Variants in KL observed in about 807,000 individuals in gnomAD.
KL encodes klotho, also known as alpha-klotho.
KL carries 62 observed loss-of-function variants against 84.2 expected under a neutral mutation model. The ratio of observed to expected loss-of-function variants is 0.74; its 90% CI spans 0.60 to 0.91. KL has a LOEUF of 0.91. Ranked by LOEUF, KL falls within the 40% of genes least tolerant of loss-of-function variation. The pLI is 0.00. For synonymous variants in KL, 528 were observed against 528.0 expected (o/e 1.00, Z 0.00); for missense variants, 1,261 against 1,305.7 (o/e 0.97, Z 0.53).
rs139375994 is a variant in KL at position 33,061,168 on chromosome 13, T to A, written c.2089T>A (p.Tyr697Asn). The change falls in exon 4 of 5, where the codon TAC becomes AAC. Residue 697 changes from tyrosine to asparagine, a missense_variant. By Grantham distance (143) the Tyr-to-Asn change is moderately radical. Transcript: ENST00000380099. ...TGAGCCGTATACAAGGAATATGACATACAGTGCTGGCCACAACCTTCTGAA... is the reference window on the plus strand; with the variant it reads ...TGAGCCGTATACAAGGAATATGACAAACAGTGCTGGCCACAACCTTCTGAA... ...MNEPYTRNMT[Y>N]SAGHNLLKAH... 6.2e-7 allele frequency: 1 copy of A among 1,614,226 alleles called. No individual in the cohort carries two copies. Among genetic ancestry groups the A allele is most frequent in the Non-Finnish European group, 8.5e-7 (1 of 1,180,038 alleles).
At chr13:33,024,574 C>T (rs1360366968) in intron 1 of KL, among the ~76,000 whole-genome samples, 3 of 152,162 alleles carry the variant, frequency 2.0e-5, no homozygotes, top group Non-Finnish European at 4.4e-5. Context: ...GGGCTCTTTT[C>T]GTGAGGGTCC....
At chr13:33,048,826 G>A (rs1258815996) in intron 1 of KL, among the ~76,000 whole-genome samples, 4 of 152,166 alleles carry the variant, frequency 2.6e-5, no homozygotes, top group African/African-American at 9.7e-5. Context: ...TGGGGGATAC[G>A]TATAGGCAAA....
intron 3 of KL, among the ~76,000 whole-genome samples, chr13:33,059,348 T>C (rs1872085982): frequency 6.6e-6 from 1 of 152,242 alleles, no homozygotes; most frequent in Admixed American, 6.5e-5. Context: ...AGAACTATAA[T>C]CATCATCATT....
intron 1 of KL, among the ~76,000 whole-genome samples, chr13:33,050,770 C>A (rs1160877268): frequency 6.6e-6 from 1 of 152,190 alleles, no homozygotes; most frequent in Non-Finnish European, 1.5e-5. Context: ...CAAATGATAT[C>A]TGAAATGCTT....
chr13:33,021,711 C>T (rs866911631), intron 1 of KL, among the ~76,000 whole-genome samples: 1 of 151,978 alleles, frequency 6.6e-6, no homozygotes, highest in Admixed American at 6.6e-5. Flanking sequence ...GGTGAAACCC[C>T]GTCTCTACTA....
chr13:33,030,697 T>C (rs1436530643), intron 1 of KL, among the ~76,000 whole-genome samples: 1 of 152,046 alleles, frequency 6.6e-6, no homozygotes, highest in East Asian at 1.9e-4. Flanking sequence ...GTGAAAGACA[T>C]TTGAGGAAAG....
intron 1 of KL, among the ~76,000 whole-genome samples, chr13:33,027,842 A>G (rs1451905387): frequency 6.6e-6 from 1 of 152,216 alleles, no homozygotes; most frequent in Non-Finnish European, 1.5e-5. Flanking sequence ...TGTTAGTTTG[A>G]GTCCTGAAAG....
Position 33,063,851 on chromosome 13 carries a change from C to G in KL, c.2704C>G (p.His902Asp). Residue 902 changes from histidine to aspartate, a missense_variant and splice_region_variant, in exon 5 of 5, where the codon CAC becomes GAC. Physicochemically the swap from His to Asp is moderately conservative, Grantham distance 81 (BLOSUM62 -1). Transcript: ENST00000380099. ...CTCCTATCCTTTTGTTTTTCCAGCCCACATACTGGATGGTATCAATCTTTG... is the reference window on the plus strand; with the variant it reads ...CTCCTATCCTTTTGTTTTTCCAGCCGACATACTGGATGGTATCAATCTTTG... Reference protein sequence around the residue: ...QNYINEALKAHILDGINLCGY... With the variant: ...QNYINEALKADILDGINLCGY... The G allele has an allele frequency of 6.2e-7, 1 of 1,613,886 alleles. No homozygotes were observed. Among genetic ancestry groups the G allele is most frequent in the East Asian group, 2.2e-5 (1 of 44,880 alleles).
chr13:33,061,443 T>C lies in KL; in HGVS notation c.2364T>C (p.Tyr788=), dbSNP rs1872196090. ...AAAGAAACAATTTTCTTCTTCCTTA[T>C]TTCACTGAAGATGAAAAAAAGCTAA... is the stretch of plus-strand genomic sequence containing the variant. ...LNQRNNFLLP[Y]FTEDEKKLIQ... The change falls in exon 4 of 5, where the codon TAT becomes TAC. Residue 788 remains tyrosine, a synonymous_variant. Coordinates refer to ENST00000380099, the MANE Select transcript of KL (RefSeq NM_004795.4). The C allele has an allele frequency of 1.9e-6, 3 of 1,614,112 alleles. No homozygotes were observed. The highest frequency in any genetic ancestry group is 2.5e-6 in the Non-Finnish European group (3 of 1,180,052).
intron 1 of KL, among the ~76,000 whole-genome samples, chr13:33,020,010 T>C (rs1049771744): frequency 1.3e-5 from 2 of 152,102 alleles, no homozygotes; most frequent in East Asian, 3.9e-4. Flanking sequence ...TGAGTCTTTG[T>C]TCTGTATATG....
chr13:33,028,932 A>G (rs1049622123), intron 1 of KL, among the ~76,000 whole-genome samples: 1 of 152,206 alleles, frequency 6.6e-6, no homozygotes, highest in African/African-American at 2.4e-5. Context: ...TACTTCCTGA[A>G]GTGTGGATGT....
At chr13:33,041,759 C>T (rs952966146) in intron 1 of KL, among the ~76,000 whole-genome samples, 4 of 152,120 alleles carry the variant, frequency 2.6e-5, no homozygotes, top group Admixed American at 2.0e-4. Context: ...CTGCCCAATC[C>T]TCCGGGTTCT....
Position 33,017,185 on chromosome 13 carries a change from G to A in KL, c.745G>A (p.Ala249Thr). 2.5e-6 allele frequency: 4 copies of A among 1,598,392 alleles called. No individual in the cohort carries two copies. Among genetic ancestry groups the A allele is most frequent in the Non-Finnish European group, 2.5e-6 (3 of 1,179,240 alleles). The change falls in exon 1 of 5, where the codon GCC becomes ACC. Residue 249 changes from alanine to threonine, a missense_variant. Coordinates refer to ENST00000380099, the MANE Select transcript of KL (RefSeq NM_004795.4). ...CTACGTGGTGGCCTGGCACGGCTAC[G>A]CCACCGGGCGCCTGGCCCCCGGCAT... ...NPYVVAWHGY[A>T]TGRLAPGIRG...
intron 1 of KL, among the ~76,000 whole-genome samples, chr13:33,050,187 G>A (rs1336235808): frequency 6.6e-6 from 1 of 152,138 alleles, no homozygotes; most frequent in East Asian, 1.9e-4. Context: ...TTAGATGAAT[G>A]TTCTTGGCCA....
intron 2 of KL, 45 bp downstream of exon 2, chr13:33,054,322 GA>G: frequency 6.4e-6 from 10 of 1,558,120 alleles, no homozygotes; most frequent in South Asian, 2.3e-5. Context: ...AAATCTTCTG[GA>G]AAAAAATCTC....
chr13:33,031,074 G>A (rs1184439046), intron 1 of KL, among the ~76,000 whole-genome samples: 1 of 152,202 alleles, frequency 6.6e-6, no homozygotes, highest in Non-Finnish European at 1.5e-5. Flanking sequence ...CCCCAGAACT[G>A]AAGAACATGA....
intron 3 of KL, 133 bp downstream of exon 3, chr13:33,055,448 TA>T (rs1189579217): frequency 9.2e-7 from 1 of 1,087,012 alleles, no homozygotes. Flanking sequence ...ATGAGTACAC[TA>T]AGGGCACAAT....
Position 33,060,696 on chromosome 13 carries a change from T to C in KL, c.1617T>C (p.Ser539=), listed in dbSNP as rs1453306802. The C allele has an allele frequency of 6.2e-7, 1 of 1,614,214 alleles. No homozygotes were observed. The highest frequency in any genetic ancestry group is 8.5e-7 in the Non-Finnish European group (1 of 1,180,036). ...CTTCACAGGTAGATACCACTCTGTC[T>C]CAGTTTACCGACCTGAATGTTTACC... ...DNYIQVDTTL[S]QFTDLNVYLW... The change falls in exon 4 of 5, where the codon TCT becomes TCC. Residue 539 remains serine, a synonymous_variant. Transcript: ENST00000380099.
intron 1 of KL, among the ~76,000 whole-genome samples, chr13:33,037,374 C>A (rs1171081404): frequency 2.0e-5 from 3 of 152,132 alleles, no homozygotes; most frequent in Non-Finnish European, 4.4e-5. Context: ...AGCCAGAAAG[C>A]AAGAAATATC....
Sources: allele counts gnomAD v4.1 joint callset (sites outside exome capture counted in the v4.1 genomes callset), GRCh38; gene constraint gnomAD v4.1.1; transcripts MANE v1.5; gene names NCBI Gene and HGNC (gene_info 2026-07-23, HGNC 2026-07-21).